MLLT1: variants seen among roughly 807,000 people sequenced by gnomAD.
MLLT1 encodes the protein MLLT1 super elongation complex subunit.
A neutral mutation model predicts 55.1 loss-of-function variants in MLLT1; 11 were observed. The observed-to-expected ratio is 0.20, with a 90% CI of 0.13 to 0.33. The LOEUF (loss-of-function observed/expected upper bound fraction) is 0.33. Among genes scored for constraint, MLLT1 ranks in the 10% least tolerant of loss-of-function variants. MLLT1 has a pLI of 1.00. For synonymous variants in MLLT1, 323 were observed against 320.1 expected (o/e 1.01, Z -0.10); for missense variants, 536 against 760.6 (o/e 0.70, Z 3.47).
intron 4 of MLLT1, among the ~76,000 whole-genome samples, chr19:6,228,156 C>T (rs1341786985): frequency 6.6e-6 from 1 of 152,150 alleles, no homozygotes; most frequent in Non-Finnish European, 1.5e-5. Context: ...CCCAGCCGTC[C>T]CTGAAAACAC....
In MLLT1 at chr19:6,246,651, G is replaced by C. The variant is rs544098922; in HGVS notation, c.276+15577C>G. Among the ~76,000 whole-genome samples the C allele has an allele frequency of 1.2e-3, 190 of 152,234 alleles. 1 individual carries two copies. The highest frequency in any genetic ancestry group is 4.3e-3 in the African/African-American group (177 of 41,530). On this transcript the variant is annotated intron_variant, in intron 3 of 11. Transcript: ENST00000252674. ...GGTGGGGAGGGGGACTGACTTCAAAGGGACAGCAAGTGGGAATCGGAGTGG... is the reference window on the plus strand; with the variant it reads ...GGTGGGGAGGGGGACTGACTTCAAACGGACAGCAAGTGGGAATCGGAGTGG...
intron 2 of MLLT1, among the ~76,000 whole-genome samples, chr19:6,267,530 T>A (rs1453209823): frequency 6.6e-6 from 1 of 152,078 alleles, no homozygotes; most frequent in South Asian, 2.1e-4. Context: ...AGACCAAATG[T>A]GAAGCAAGCT....
At chr19:6,265,049 C>CAAAA (rs2091336941) in intron 2 of MLLT1, among the ~76,000 whole-genome samples, 11 of 23,286 alleles carry the variant, frequency 4.7e-4, no homozygotes, top group Non-Finnish European at 1.0e-3. Context: ...AAAAAAAAAA[C>CAAAA]AAAAAAACAA....
At chr19:6,269,212 C>G (rs2091374085) in intron 2 of MLLT1, among the ~76,000 whole-genome samples, 1 of 152,264 alleles carries the variant, frequency 6.6e-6, no homozygotes. Context: ...TGGCCAGACC[C>G]AGCCCACAGG....
chr19:6,223,371 A>T (rs577080127), intron 5 of MLLT1, among the ~76,000 whole-genome samples: 65 of 152,284 alleles, frequency 4.3e-4, no homozygotes, highest in African/African-American at 1.4e-3. Flanking sequence ...AACACCGAGG[A>T]CATTCCTAGG....
chr19:6,252,712 A>T (rs1351881624), intron 3 of MLLT1, among the ~76,000 whole-genome samples: 2 of 152,228 alleles, frequency 1.3e-5, no homozygotes, highest in East Asian at 3.8e-4. Flanking sequence ...CAGAAGGAAA[A>T]GAACAGAAAT....
Position 6,226,958 on chromosome 19 carries a change from G to T in MLLT1, c.546+19C>A, listed in dbSNP as rs537784964. The T allele has an allele frequency of 3.2e-6, 5 of 1,573,182 alleles. No individual in the cohort carries two copies. The highest frequency in any genetic ancestry group is 1.9e-5 in the Admixed American group (1 of 52,710). On this transcript the variant is annotated intron_variant, in intron 5 of 11. Coordinates refer to ENST00000252674, the MANE Select transcript of MLLT1 (RefSeq NM_005934.4). This position sits in a 1 kb window ranked among gnomAD's most constrained non-coding sequence, Gnocchi z 6.3. Reference sequence around the variant, plus strand: ...GGGCCCCGGCGCTCCCACGCGACTGGGCCTTCCGCCTCACTAACCTTGGAG... The same window carrying T: ...GGGCCCCGGCGCTCCCACGCGACTGTGCCTTCCGCCTCACTAACCTTGGAG...
chr19:6,216,761 A>T, intron 7 of MLLT1: 1 of 531,752 alleles, frequency 1.9e-6, no homozygotes. Flanking sequence ...CGCAGGCCTC[A>T]GGGGACTGGC....
Position 6,265,051 on chromosome 19 carries a change from A to AAAAC in MLLT1, c.194-2742_194-2741insGTTT, listed in dbSNP as rs1555710636. On this transcript the variant is annotated intron_variant, in intron 2 of 11. Coordinates refer to ENST00000252674, the MANE Select transcript of MLLT1 (RefSeq NM_005934.4). The stretch of plus-strand genomic sequence containing the variant: ...CATAGTGAACAGCAAAAAAAAAACA[A>AAAAC]AAAAACAAAAAAACAAAAAAAAACA... Among the ~76,000 whole-genome samples, 21 of 37,736 alleles carry AAAAC rather than the reference A, an allele frequency of 5.6e-4. 1 individual carries two copies. The highest frequency in any genetic ancestry group is 2.3e-3 in the Non-Finnish European group (20 of 8,520). 24.8% of individuals were successfully genotyped at this position (37,736 alleles called of 152,430 possible). A position where few individuals can be genotyped will look rare whatever the true frequency, so the allele number is the denominator to read the frequency against.
chr19:6,252,040 C>T (rs2091219836), intron 3 of MLLT1, among the ~76,000 whole-genome samples: 1 of 152,186 alleles, frequency 6.6e-6, no homozygotes, highest in Non-Finnish European at 1.5e-5. Flanking sequence ...AGGACACTGG[C>T]ATGTAAGTCG....
rs75213017 is a variant in MLLT1 at position 6,262,582 on chromosome 19, C to T, written c.194-272G>A. ...GTGAGAAGGAACGTTAGCCTGTCAT[C>T]GGGATACTTGCTCCTGCAGAGGATG... On this transcript the variant is annotated intron_variant, in intron 2 of 11. Transcript: ENST00000252674. The surrounding 1 kb of genome is among the most constrained non-coding windows in gnomAD (Gnocchi z 4.4). 3.1e-3 allele frequency among the ~76,000 whole-genome samples: 469 copies of T among 152,300 alleles called. 1 individual carries two copies. The highest frequency in any genetic ancestry group is 0.01 in the African/African-American group (421 of 41,556).
intron 3 of MLLT1, among the ~76,000 whole-genome samples, chr19:6,248,620 C>T (rs1388025761): frequency 1.3e-5 from 2 of 152,146 alleles, no homozygotes; most frequent in Non-Finnish European, 2.9e-5. Flanking sequence ...TACATAATAC[C>T]CCACTAGCAC....
In MLLT1 at chr19:6,231,908, G is replaced by A. The variant is rs934344967; in HGVS notation, c.277-1195C>T. 6.6e-6 allele frequency among the ~76,000 whole-genome samples: 1 copy of A among 151,152 alleles called. No homozygotes were observed. The highest frequency in any genetic ancestry group is 2.4e-5 in the African/African-American group (1 of 41,214). On this transcript the variant is annotated intron_variant, in intron 3 of 11. Coordinates refer to ENST00000252674, the MANE Select transcript of MLLT1 (RefSeq NM_005934.4). The surrounding 1 kb of genome is among the most constrained non-coding windows in gnomAD (Gnocchi z 5.1). ...GGGAAAACCGCACTATGACAAGCAC[G>A]AATGTCACACGGAAGAAGGGAGGTT...
At chr19:6,249,015 T>C (rs1354651597) in intron 3 of MLLT1, among the ~76,000 whole-genome samples, 1 of 152,218 alleles carries the variant, frequency 6.6e-6, no homozygotes, top group African/African-American at 2.4e-5. Flanking sequence ...AGCTTGGGTG[T>C]GTGAATCTAC....
intron 2 of MLLT1, among the ~76,000 whole-genome samples, chr19:6,266,108 G>A (rs1386748414): frequency 6.6e-6 from 1 of 151,580 alleles, no homozygotes; most frequent in African/African-American, 2.4e-5. Flanking sequence ...GTGAAATCCC[G>A]TCTCTGCAAA....
intron 3 of MLLT1, among the ~76,000 whole-genome samples, chr19:6,255,334 A>G (rs1444227571): frequency 6.6e-6 from 1 of 152,140 alleles, no homozygotes. Flanking sequence ...CTCTACTAAA[A>G]ATACAAAAAT....
chr19:6,223,757 T>C (rs2090927592), intron 5 of MLLT1, among the ~76,000 whole-genome samples: 1 of 152,018 alleles, frequency 6.6e-6, no homozygotes, highest in South Asian at 2.1e-4. Flanking sequence ...CTCCCCACGG[T>C]GGGAGCCACG....
intron 3 of MLLT1, among the ~76,000 whole-genome samples, chr19:6,243,993 G>A (rs898904228): frequency 2.8e-5 from 4 of 145,096 alleles, no homozygotes. Context: ...GCAGTGAGCC[G>A]AGATCACGCC....
In MLLT1 at chr19:6,279,884, GCGCCGC is replaced by G. The variant is rs570920732; in HGVS notation, c.-106_-101del. On this transcript the variant is annotated 5_prime_UTR_variant, in exon 1 of 12. Transcript: ENST00000252674. ...CCCCGCCGCCCTCATTGTCTGTCAAGCGCCGCCGCCGCCGCCGCCGCCGCCGATCCC... is the reference window on the plus strand; with the variant it reads ...CCCCGCCGCCCTCATTGTCTGTCAAGCGCCGCCGCCGCCGCCGCCGATCCC... The G allele has an allele frequency of 5.8e-4, 96 of 164,196 alleles. No individual in the cohort carries two copies. Among genetic ancestry groups the G allele is most frequent in the Non-Finnish European group, 9.5e-4 (78 of 81,746 alleles). 10.2% of individuals were successfully genotyped at this position (164,196 alleles called of 1,614,324 possible).
Sources: allele counts gnomAD v4.1 joint callset (sites outside exome capture counted in the v4.1 genomes callset), GRCh38; gene constraint gnomAD v4.1.1; non-coding constraint Gnocchi (gnomAD v3.1); transcripts MANE v1.5; gene names NCBI Gene and HGNC (gene_info 2026-07-23, HGNC 2026-07-21).